The following CDCA2 variants were observed in gnomAD, a reference collection of about 807,000 sequenced individuals.
CDCA2 encodes cell division cycle-associated protein 2.
CDCA2 carries 44 observed loss-of-function variants against 67.0 expected under a neutral mutation model. The ratio of observed to expected loss-of-function variants is 0.66; its 90% confidence interval spans 0.52 to 0.84. The LOEUF (loss-of-function observed/expected upper bound fraction) is 0.84, where lower values mean the gene tolerates loss of function less well. Ranked by LOEUF, CDCA2 falls within the 40% of genes least tolerant of loss-of-function variation. The pLI is 0.00. For synonymous variants in CDCA2, 447 were observed against 418.7 expected, an observed-to-expected ratio of 1.07 and a Z score of -0.82; for missense variants, 1,253 against 1,203.2, an observed-to-expected ratio of 1.04 and a Z score of -0.61.
Position 25,460,569 on chromosome 8 carries a change from C to T in CDCA2, c.232+15C>T. 1 of 1,604,862 alleles carries T rather than the reference C, an allele frequency of 6.2e-7. No homozygotes were observed. Among genetic ancestry groups the T allele is most frequent in the Non-Finnish European group, 8.5e-7 (1 of 1,176,256 alleles). Reference sequence around the variant, plus strand: ...GAACTCTGCAGGTAAGAAAAGTTGTCATTCTGTTGTAATGCTTTTCAAGTT... The same window carrying T: ...GAACTCTGCAGGTAAGAAAAGTTGTTATTCTGTTGTAATGCTTTTCAAGTT... On this transcript the variant is annotated intron_variant, in intron 3 of 14. Transcript: ENST00000330560.
chr8:25,498,297 TCC>T (rs1275632343), intron 13 of CDCA2, among the ~76,000 whole-genome samples: 2 of 152,096 alleles, frequency 1.3e-5, no homozygotes, highest in African/African-American at 2.4e-5. Context: ...AACCTCCTCC[TCC>T]CCGGTTCAAG....
In CDCA2 at chr8:25,506,689, G is replaced by A. The variant is rs761152403; in HGVS notation, c.2023G>A (p.Asp675Asn). The change falls in exon 15 of 15, where the codon GAT (aspartate) becomes AAT (asparagine). Residue 675 changes from aspartate to asparagine, a missense_variant. Transcript: ENST00000330560. ...CTCATCGCTTGGCAATGCTACTTCTGATGAAGATCCAAATACAAATATAAT... is the reference window on the plus strand; with the variant it reads ...CTCATCGCTTGGCAATGCTACTTCTAATGAAGATCCAAATACAAATATAAT... ...SSSSLGNATS[D>N]EDPNTNIMNI... The A allele has an allele frequency of 2.5e-6, 4 of 1,611,636 alleles. No homozygotes were observed. Among genetic ancestry groups the A allele is most frequent in the Non-Finnish European group, 3.4e-6 (4 of 1,179,410 alleles).
At position 25,505,671 on chromosome 8, in the gene CDCA2, T is replaced by C. The variant is rs142700117; in HGVS notation, c.1844-839T>C. The stretch of plus-strand genomic sequence containing the variant: ...TTTTTTAGACTTTTGGCTCAACTTA[T>C]GTTTTATACTTTTTTTAGTTTTTAT... On this transcript the variant is annotated intron_variant, in intron 14 of 14. Transcript: ENST00000330560. Among the ~76,000 whole-genome samples, 46 of 152,346 alleles carry C rather than the reference T, an allele frequency of 3.0e-4. 1 individual carries two copies. Among genetic ancestry groups the C allele is most frequent in the East Asian group, 1.7e-3 (9 of 5,192 alleles).
chr8:25,465,633 G>C (rs1802868542), intron 4 of CDCA2, among the ~76,000 whole-genome samples: 1 of 151,218 alleles, frequency 6.6e-6, no homozygotes, highest in Non-Finnish European at 1.5e-5. Flanking sequence ...ATATCCTCCA[G>C]GTCCCATACA....
rs147294880 is a variant in CDCA2 at position 25,481,844 on chromosome 8, C to T, written c.1033-1555C>T. On this transcript the variant is annotated intron_variant, in intron 8 of 14. Transcript: ENST00000330560. Reference sequence around the variant, plus strand: ...ACATGAGCTTTGTTGTATAAGTTAACTTATTTTGCAATATTGGTATGTACA... The same window carrying T: ...ACATGAGCTTTGTTGTATAAGTTAATTTATTTTGCAATATTGGTATGTACA... 5.5e-4 allele frequency among the ~76,000 whole-genome samples: 84 copies of T among 152,252 alleles called. 1 individual carries two copies. The East Asian group carries it at 0.012, about 21-fold the overall frequency.
chr8:25,487,714 G>A (rs1008496120), intron 12 of CDCA2, among the ~76,000 whole-genome samples: 2 of 152,132 alleles, frequency 1.3e-5, no homozygotes, highest in African/African-American at 4.8e-5. Flanking sequence ...CTGCACTCCA[G>A]CCTGGGCGGA....
chr8:25,506,344 AGAG>A (rs958415151), intron 14 of CDCA2, among the ~76,000 whole-genome samples, 163 bp from the exon 15 acceptor site: 1 of 152,212 alleles, frequency 6.6e-6, no homozygotes, highest in Admixed American at 6.5e-5. Context: ...GAGAACTAAA[AGAG>A]GAGGAGGAGG....
intron 13 of CDCA2, among the ~76,000 whole-genome samples, chr8:25,497,139 C>A (rs1804255350): frequency 6.6e-6 from 1 of 152,080 alleles, no homozygotes; most frequent in Non-Finnish European, 1.5e-5. Flanking sequence ...GTTTATGACA[C>A]AGTGACTCCA....
intron 8 of CDCA2, among the ~76,000 whole-genome samples, chr8:25,480,406 CATA>C (rs1175129363): frequency 6.6e-6 from 1 of 151,978 alleles, no homozygotes; most frequent in Non-Finnish European, 1.5e-5. Context: ...ATTGCACTAA[CATA>C]ATTATATGTT....
At chr8:25,495,797 C>T (rs1804199704) in intron 13 of CDCA2, among the ~76,000 whole-genome samples, 1 of 152,058 alleles carries the variant, frequency 6.6e-6, no homozygotes, top group Admixed American at 6.6e-5. Flanking sequence ...AATAGAAGCA[C>T]TGAATTTAGA....
At position 25,503,611 on chromosome 8, in the gene CDCA2, C is replaced by T. The variant is rs544789107; in HGVS notation, c.1843+67C>T. 3.4e-5 allele frequency: 49 copies of T among 1,437,720 alleles called. No homozygotes were observed. In the South Asian group the frequency reaches 6.2e-4, roughly 18 times the overall value. 89.1% of individuals were successfully genotyped at this position (1,437,720 alleles called of 1,614,324 possible). A position where few individuals can be genotyped will look rare whatever the true frequency, so the allele number is the denominator to read the frequency against. On this transcript the variant is annotated intron_variant, in intron 14 of 14. Coordinates refer to ENST00000330560, the MANE Select transcript of CDCA2 (RefSeq NM_152562.4). ...CTTCACCCTCTTTGTTGCTATTTTA[C>T]TTTTTTCACTTTTTTCCCATTCACT...
intron 4 of CDCA2, among the ~76,000 whole-genome samples, chr8:25,463,160 G>A (rs1563258207): frequency 6.6e-6 from 1 of 152,100 alleles, no homozygotes; most frequent in Non-Finnish European, 1.5e-5. Context: ...GATGTATAGG[G>A]GCAAGGGTCT....
chr8:25,484,568 A>G (rs531775516), intron 10 of CDCA2, among the ~76,000 whole-genome samples: 8 of 151,354 alleles, frequency 5.3e-5, no homozygotes. Flanking sequence ...CTTCCCACAG[A>G]GAAAACTCTA....
At chr8:25,482,358 G>A (rs1216571149) in intron 8 of CDCA2, among the ~76,000 whole-genome samples, 2 of 152,108 alleles carry the variant, frequency 1.3e-5, no homozygotes, top group East Asian at 1.9e-4. Context: ...TTGTTTTAAT[G>A]CAGTTCTTCT....
intron 6 of CDCA2, 145 bp downstream of exon 6, chr8:25,468,558 C>CGTGTGT (rs747163744): frequency 2.0e-3 from 549 of 270,172 alleles, no homozygotes; most frequent in Non-Finnish European, 2.7e-3. Flanking sequence ...TGTGTGTGTG[C>CGTGTGT]GTGTGTGTGT....
chr8:25,470,019 T>A, intron 7 of CDCA2, 39 bp downstream of exon 7: 1 of 1,344,276 alleles, frequency 7.4e-7, no homozygotes, highest in Non-Finnish European at 1.1e-6. Context: ...AGTTGCCCGA[T>A]TCATAGACAT....
At chr8:25,492,349 G>A (rs1372801346) in intron 13 of CDCA2, among the ~76,000 whole-genome samples, 1 of 152,166 alleles carries the variant, frequency 6.6e-6, no homozygotes, top group East Asian at 1.9e-4. Context: ...AACAATACAA[G>A]AGCGCAATCA....
In CDCA2 at chr8:25,507,644, A is replaced by G. The variant is rs755367034; in HGVS notation, c.2978A>G (p.Lys993Arg). The part of the protein sequence containing the change: ...LANTKATSQF[K>R]GYRRRSSLNG... ...AATACTAAAGCCACTTCCCAGTTCA[A>G]AGGCTACCGGAGAAGATCCTCTCTT... Residue 993 changes from lysine (K) to arginine (R), a missense_variant, in exon 15 of 15, where the codon AAA becomes AGA. Lys to Arg is a conservative substitution (Grantham distance 26). Coordinates refer to ENST00000330560, the MANE Select transcript of CDCA2 (RefSeq NM_152562.4). The G allele has an allele frequency of 1.9e-6, 3 of 1,614,198 alleles. No homozygotes were observed. Among genetic ancestry groups the G allele is most frequent in the Middle Eastern group, 3.3e-4 (2 of 6,062 alleles).
At chr8:25,502,264 A>C (rs1222132973) in intron 13 of CDCA2, among the ~76,000 whole-genome samples, 1 of 152,142 alleles carries the variant, frequency 6.6e-6, no homozygotes, top group Non-Finnish European at 1.5e-5. Flanking sequence ...CACATTGAAT[A>C]TATTTCATTC....
Sources: allele counts gnomAD v4.1 joint callset (sites outside exome capture counted in the v4.1 genomes callset), GRCh38; gene constraint gnomAD v4.1.1; transcripts MANE v1.5; gene names NCBI Gene and HGNC (gene_info 2026-07-23, HGNC 2026-07-21).